TAFA2: variants seen among roughly 807,000 people sequenced by gnomAD.
The protein encoded by TAFA2 is chemokine-like protein TAFA-2.
A neutral mutation model predicts 18.8 loss-of-function variants in TAFA2; 7 were observed. The observed-to-expected ratio is 0.37, with a 90% CI of 0.21 to 0.70. The LOEUF (loss-of-function observed/expected upper bound fraction) is 0.70, where lower values mean the gene tolerates loss of function less well. TAFA2 is among the 30% of genes least tolerant of loss of function. The pLI, the probability that TAFA2 is intolerant of heterozygous loss-of-function variation, is 0.53. For synonymous variants in TAFA2, 60 were observed against 54.2 expected, an observed-to-expected ratio of 1.11 and a Z score of -0.47; for missense variants, 122 against 158.1, an observed-to-expected ratio of 0.77 and a Z score of 1.23.
intron 4 of TAFA2, among the ~76,000 whole-genome samples, chr12:61,728,899 T>A (rs1870305671): frequency 6.6e-6 from 1 of 152,024 alleles, no homozygotes; most frequent in Non-Finnish European, 1.5e-5. Context: ...TGTCAAGATT[T>A]AGAATTTCTT....
chr12:61,716,177 G>A (rs10784252), intron 4 of TAFA2, among the ~76,000 whole-genome samples: 130,171 of 152,168 alleles, frequency 0.86, 55,652 homozygotes, highest in African/African-American at 0.88. Context: ...GTAAATTTTT[G>A]GCCATCCAAT....
At chr12:61,930,576 C>A (rs967797421) in intron 1 of TAFA2, among the ~76,000 whole-genome samples, 15 of 152,182 alleles carry the variant, frequency 9.9e-5, no homozygotes, top group African/African-American at 3.6e-4. Flanking sequence ...ATTCAAGCTG[C>A]TAGATTCAAA....
intron 2 of TAFA2, among the ~76,000 whole-genome samples, chr12:61,763,072 G>T (rs1422971445): frequency 6.6e-6 from 1 of 151,986 alleles, no homozygotes; most frequent in African/African-American, 2.4e-5. Context: ...TGGGAAAATA[G>T]CTCATATTTT....
chr12:61,885,244 A>T (rs768166221), intron 1 of TAFA2, among the ~76,000 whole-genome samples: 1 of 152,230 alleles, frequency 6.6e-6, no homozygotes. Flanking sequence ...TCCTTCTAGC[A>T]TATCATCCTA....
At chr12:61,988,055 G>A in intron 1 of TAFA2, among the ~76,000 whole-genome samples, 1 of 152,262 alleles carries the variant, frequency 6.6e-6, no homozygotes, top group East Asian at 1.9e-4. Flanking sequence ...ACAGCCAGGA[G>A]GAAGGTTTTC....
At chr12:61,744,412 A>G (rs1868600251) in intron 4 of TAFA2, among the ~76,000 whole-genome samples, 2 of 152,238 alleles carry the variant, frequency 1.3e-5, no homozygotes, top group South Asian at 4.1e-4. Context: ...ATACAGGCCA[A>G]GTTTTGGACA....
At chr12:62,041,388 A>T (rs1592299564) in intron 1 of TAFA2, among the ~76,000 whole-genome samples, 1 of 152,194 alleles carries the variant, frequency 6.6e-6, no homozygotes, top group Non-Finnish European at 1.5e-5. Context: ...AACTCCATGA[A>T]AAAAGTTATT....
intron 4 of TAFA2, among the ~76,000 whole-genome samples, chr12:61,710,755 A>G (rs917267140): frequency 6.6e-6 from 1 of 152,076 alleles, no homozygotes. Context: ...CTTGGTAGCC[A>G]TAACCCAAAT....
intron 2 of TAFA2, among the ~76,000 whole-genome samples, chr12:61,814,299 A>C (rs1871989928): frequency 6.6e-6 from 1 of 151,364 alleles, no homozygotes; most frequent in African/African-American, 2.5e-5. Context: ...AGAGAGCTAT[A>C]GTGAGCAAGC....
rs967952259 is a variant in TAFA2, at chr12:61,797,350, GA to G, written c.107-42327del. On this transcript the variant is annotated intron_variant, in intron 2 of 4. Coordinates refer to ENST00000416284, the MANE Select transcript of TAFA2 (RefSeq NM_178539.5). ...GAAGGAAGACTTCTGCTCCTTTGGA[GA>G]AAAAAAATCCAGAAAAAGTAAAAAT... 1.9e-3 allele frequency among the ~76,000 whole-genome samples: 292 copies of G among 152,012 alleles called. 4 individuals are homozygous for G. Among genetic ancestry groups the G allele is most frequent in the Non-Finnish European group, 1.7e-3 (113 of 67,968 alleles).
intron 1 of TAFA2, among the ~76,000 whole-genome samples, chr12:62,021,348 G>A (rs770407766): frequency 6.6e-6 from 1 of 152,000 alleles, no homozygotes; most frequent in Non-Finnish European, 1.5e-5. Flanking sequence ...AAGTTCTTTA[G>A]TGGCAATTTG....
intron 1 of TAFA2, among the ~76,000 whole-genome samples, chr12:62,015,184 T>A (rs79144287): frequency 0.069 from 10,469 of 152,286 alleles, 463 homozygotes; most frequent in Non-Finnish European, 0.11. Context: ...CTTCTTATAA[T>A]TTACAACTAA....
intron 1 of TAFA2, among the ~76,000 whole-genome samples, chr12:61,928,846 G>A (rs1323777346): frequency 2.0e-5 from 3 of 151,304 alleles, no homozygotes; most frequent in South Asian, 2.1e-4. Context: ...AAAAAAACAT[G>A]AGTCTGTTGC....
intron 1 of TAFA2, among the ~76,000 whole-genome samples, chr12:61,919,600 A>C (rs1217562761): frequency 6.6e-6 from 1 of 152,176 alleles, no homozygotes; most frequent in Non-Finnish European, 1.5e-5. Flanking sequence ...TGAAACACTC[A>C]GATCAACCAT....
At chr12:62,135,415 G>A (rs753358373) in intron 1 of TAFA2, among the ~76,000 whole-genome samples, 6 of 151,986 alleles carry the variant, frequency 3.9e-5, no homozygotes, top group South Asian at 2.1e-4. Flanking sequence ...GACAGGCATC[G>A]CAAGATTGCC....
chr12:61,858,475 C>T (rs1026275190), intron 2 of TAFA2, among the ~76,000 whole-genome samples: 16 of 151,966 alleles, frequency 1.1e-4, no homozygotes, highest in Non-Finnish European at 1.8e-4. Flanking sequence ...TTCTAGGGTA[C>T]ATGTGTGTGG....
chr12:62,242,947 C>A (rs1592416800), intron 1 of TAFA2, among the ~76,000 whole-genome samples: 1 of 152,140 alleles, frequency 6.6e-6, no homozygotes, highest in South Asian at 2.1e-4. Context: ...ACAAAAGCAC[C>A]TTTTTTCAAA....
intron 1 of TAFA2, among the ~76,000 whole-genome samples, chr12:61,967,181 C>T (rs1879096625): frequency 6.6e-6 from 1 of 151,688 alleles, no homozygotes; most frequent in African/African-American, 2.4e-5. Flanking sequence ...ATATTCTTTG[C>T]CTTGTACTTT....
chr12:61,903,393 T>C (rs1437681530), intron 1 of TAFA2, among the ~76,000 whole-genome samples: 1 of 152,156 alleles, frequency 6.6e-6, no homozygotes, highest in Admixed American at 6.5e-5. Context: ...GGCTTTCCAA[T>C]TATGTGTACT....
Sources: gnomAD v4.1 joint callset for allele counts (sites outside exome capture counted in the v4.1 genomes callset) on GRCh38, gnomAD v4.1.1 for gene constraint, MANE v1.5 for transcripts, NCBI Gene and HGNC (gene_info 2026-07-23, HGNC 2026-07-21) for gene names.